Variants in DCAF6 observed in about 807,000 individuals in gnomAD.
DCAF6 encodes the protein DDB1 and CUL4 associated factor 6.
In DCAF6, 54 loss-of-function variants were observed where a neutral mutation model predicts 125.1. The observed-to-expected ratio is 0.43, with a 90% CI of 0.35 to 0.54. The LOEUF (loss-of-function observed/expected upper bound fraction) is 0.54, where lower values mean the gene tolerates loss of function less well. DCAF6 is among the 20% of genes least tolerant of loss of function. The pLI is 0.01. For missense variants in DCAF6, 934 were observed against 1,161.7 expected (o/e 0.80, Z 2.85); for synonymous variants, 371 against 390.4 (o/e 0.95, Z 0.58).
intron 2 of DCAF6, among the ~76,000 whole-genome samples, chr1:167,953,390 A>G (rs1416874017): frequency 6.6e-6 from 1 of 152,126 alleles, no homozygotes; most frequent in African/African-American, 2.4e-5. Flanking sequence ...ATTATTATTG[A>G]TAGTGCTTAC....
chr1:167,985,643 A>T (rs1031382352), intron 4 of DCAF6, among the ~76,000 whole-genome samples: 4 of 152,192 alleles, frequency 2.6e-5, no homozygotes, highest in Non-Finnish European at 5.9e-5. Context: ...AAGGTAAAGT[A>T]TTCGTAGGTT....
chr1:167,981,612 A>G (rs1679143820), intron 4 of DCAF6, among the ~76,000 whole-genome samples: 1 of 152,138 alleles, frequency 6.6e-6, no homozygotes, highest in Admixed American at 6.6e-5. Flanking sequence ...GCTCCTACTT[A>G]TAAGTGAGAA....
At chr1:167,933,864 T>A (rs562335158), upstream of DCAF6, among the ~76,000 whole-genome samples, 2 of 152,338 alleles carry the variant, frequency 1.3e-5, no homozygotes, top group Non-Finnish European at 2.9e-5. Context: ...ATTTTAGAAC[T>A]GACAGTTATT....
Position 168,012,781 on chromosome 1 carries a change from T to G in DCAF6, c.1379-3000T>G, listed in dbSNP as rs1428865243. Among the ~76,000 whole-genome samples the G allele has an allele frequency of 3.3e-5, 5 of 152,322 alleles. No homozygotes were observed. The East Asian group carries it at 9.6e-4, about 29-fold the overall frequency. ...CCATACAAGCAGCTTTCAAAGCAGA[T>G]AAATTCTTATTTAAAAAGCACCGGA... is the stretch of plus-strand genomic sequence containing the variant. On this transcript the variant is annotated intron_variant, in intron 10 of 21. Transcript: ENST00000367840.
the DCAF6 span, among the ~76,000 whole-genome samples, chr1:167,898,257 T>C: frequency 6.6e-6 from 1 of 152,048 alleles, no homozygotes; most frequent in South Asian, 2.1e-4. Context: ...AACTTTTCTG[T>C]AAGTCTAACA....
chr1:167,893,875 A>C, the DCAF6 span: 1 of 1,613,446 alleles, frequency 6.2e-7, no homozygotes. Context: ...GCTTTCCATC[A>C]CATACTTTTG....
At chr1:168,049,431 G>GTATTTT (rs1689572178) in intron 16 of DCAF6, among the ~76,000 whole-genome samples, 1 of 101,234 alleles carries the variant, frequency 9.9e-6, no homozygotes, top group Non-Finnish European at 1.9e-5. Flanking sequence ...TGTTGTTGTT[G>GTATTTT]TTTTTTTTTT....
intron 1 of DCAF6, among the ~76,000 whole-genome samples, chr1:167,948,053 C>T (rs1167831044): frequency 2.7e-5 from 4 of 150,402 alleles, no homozygotes; most frequent in Admixed American, 6.6e-5. Context: ...ACTCCAGTGT[C>T]GGGTGCAAAT....
At chr1:167,937,101 C>T in intron 1 of DCAF6, 93 bp downstream of exon 1, 2 of 1,133,410 alleles carry the variant, frequency 1.8e-6, no homozygotes, top group Non-Finnish European at 2.6e-6. Context: ...GGGACGGCGT[C>T]TCGGTGGGGG....
intron 20 of DCAF6, among the ~76,000 whole-genome samples, chr1:168,068,116 A>G (rs1409580421): frequency 2.0e-5 from 3 of 152,146 alleles, no homozygotes; most frequent in Non-Finnish European, 4.4e-5. Context: ...GTAGCCTCAA[A>G]ATTTGACCTT....
At chr1:167,914,653 T>C in the DCAF6 span, among the ~76,000 whole-genome samples, 2 of 150,920 alleles carry the variant, frequency 1.3e-5, no homozygotes, top group African/African-American at 5.0e-5. Flanking sequence ...GTTTTCTTTA[T>C]CTGATGTGAC....
chr1:168,066,833 A>G (rs1191997910), intron 20 of DCAF6, among the ~76,000 whole-genome samples: 1 of 152,190 alleles, frequency 6.6e-6, no homozygotes, highest in African/African-American at 2.4e-5. Flanking sequence ...CAATTTTTCC[A>G]TTTTTAGTAC....
At chr1:167,880,134 A>C in the DCAF6 span, 1 of 1,612,998 alleles carries the variant, frequency 6.2e-7, no homozygotes, top group Non-Finnish European at 8.5e-7. Flanking sequence ...CGTGTCTCAC[A>C]GTGTGTCCAA....
chr1:168,068,625 G>A (rs1297595128), intron 21 of DCAF6, among the ~76,000 whole-genome samples, 162 bp downstream of exon 21: 1 of 152,128 alleles, frequency 6.6e-6, no homozygotes, highest in Non-Finnish European at 1.5e-5. Flanking sequence ...TCTTGGCACA[G>A]TAACTTAGTT....
intron 4 of DCAF6, among the ~76,000 whole-genome samples, chr1:167,983,955 G>A (rs1213784213): frequency 1.3e-5 from 2 of 152,106 alleles, no homozygotes; most frequent in African/African-American, 4.8e-5. Flanking sequence ...GCATTTGGGG[G>A]AGTCTCAAAC....
chr1:167,872,772 C>A, the DCAF6 span, among the ~76,000 whole-genome samples: 1 of 149,040 alleles, frequency 6.7e-6, no homozygotes, highest in African/African-American at 2.5e-5. Flanking sequence ...CTAGATCAGA[C>A]TGAGAAATAT....
At chr1:168,005,540 G>A (rs1683228099) in intron 10 of DCAF6, among the ~76,000 whole-genome samples, 1 of 151,992 alleles carries the variant, frequency 6.6e-6, no homozygotes, top group Admixed American at 6.5e-5. Context: ...AAACCAATAA[G>A]ATATTTATTC....
chr1:167,963,196 G>A (rs986670954), intron 2 of DCAF6, among the ~76,000 whole-genome samples: 10 of 151,900 alleles, frequency 6.6e-5, no homozygotes, highest in Admixed American at 2.0e-4. Context: ...CTCAGGAGGC[G>A]GAGGTTGTAG....
chr1:168,052,207 G>T (rs184400413), intron 17 of DCAF6, among the ~76,000 whole-genome samples: 1 of 152,256 alleles, frequency 6.6e-6, no homozygotes, highest in East Asian at 1.9e-4. Context: ...CTGATTAATT[G>T]TATGACAATA....
Sources: allele counts gnomAD v4.1 joint callset (sites outside exome capture counted in the v4.1 genomes callset), GRCh38; gene constraint gnomAD v4.1.1; transcripts MANE v1.5; gene names NCBI Gene and HGNC (gene_info 2026-07-23, HGNC 2026-07-21).